The following EIF4G3 variants were observed in gnomAD, a reference collection of about 807,000 sequenced individuals.
EIF4G3 encodes eukaryotic translation initiation factor 4 gamma 3, also known as eIF-4-gamma 3.
EIF4G3 carries 34 observed loss-of-function variants against 186.4 expected under a neutral mutation model. The observed-to-expected ratio is 0.18, with a 90% CI of 0.14 to 0.24. The LOEUF (loss-of-function observed/expected upper bound fraction) is 0.24. Among genes scored for constraint, EIF4G3 ranks in the 10% least tolerant of loss-of-function variants. The pLI is 1.00. For missense variants in EIF4G3, 1,536 were observed against 1,948.5 expected (o/e 0.79, Z 3.99); for synonymous variants, 673 against 679.5 (o/e 0.99, Z 0.15).
intron 18 of EIF4G3, among the ~76,000 whole-genome samples, chr1:20,890,019 C>A (rs527326525): frequency 1.3e-5 from 2 of 151,640 alleles, no homozygotes; most frequent in South Asian, 2.1e-4. Flanking sequence ...GTCACCCAGG[C>A]TGGAGTGCAG....
chr1:20,828,569 A>C (rs1268566714), intron 31 of EIF4G3, among the ~76,000 whole-genome samples: 1 of 152,210 alleles, frequency 6.6e-6, no homozygotes, highest in African/African-American at 2.4e-5. Context: ...TTAATCTCAA[A>C]GAAAAGGGAC....
At chr1:20,972,286 T>C (rs2076055277) in intron 11 of EIF4G3, among the ~76,000 whole-genome samples, 1 of 152,204 alleles carries the variant, frequency 6.6e-6, no homozygotes, top group Non-Finnish European at 1.5e-5. Flanking sequence ...TCAGTTCTTT[T>C]TCCTTGTGCT....
At chr1:20,985,515 C>CA (rs57715624) in intron 7 of EIF4G3, among the ~76,000 whole-genome samples, 3,434 of 102,136 alleles carry the variant, frequency 0.034, 42 homozygotes, top group Admixed American at 0.041. Flanking sequence ...ACTAGAAATG[C>CA]AAAAAAAAAA....
intron 2 of EIF4G3, among the ~76,000 whole-genome samples, chr1:21,091,459 C>T (rs2096198151): frequency 6.6e-6 from 1 of 152,110 alleles, no homozygotes; most frequent in Non-Finnish European, 1.5e-5. Context: ...CCGCACCTGA[C>T]CATAGCTACA....
chr1:21,086,922 G>A (rs2096000866), intron 3 of EIF4G3, among the ~76,000 whole-genome samples: 2 of 146,996 alleles, frequency 1.4e-5, no homozygotes, highest in African/African-American at 2.5e-5. Flanking sequence ...CTGGGCAACA[G>A]AGTGAGATTC....
chr1:20,904,843 G>C, intron 15 of EIF4G3, 40 bp downstream of exon 15: 1 of 1,490,908 alleles, frequency 6.7e-7, no homozygotes, highest in Non-Finnish European at 9.3e-7. Flanking sequence ...CTATGAAATG[G>C]CACCACTGCT....
At chr1:21,000,424 A>G (rs1354334391) in intron 6 of EIF4G3, among the ~76,000 whole-genome samples, 1 of 152,124 alleles carries the variant, frequency 6.6e-6, no homozygotes, top group African/African-American at 2.4e-5. Context: ...AGTAAGCTTT[A>G]GCTGCTCTAC....
chr1:20,839,257 G>A (rs2067693196), intron 30 of EIF4G3, among the ~76,000 whole-genome samples: 1 of 152,110 alleles, frequency 6.6e-6, no homozygotes, highest in South Asian at 2.1e-4. Flanking sequence ...GATTACAGGT[G>A]TGAGCTACGG....
chr1:21,168,096 A>G (rs1208960536), intron 2 of EIF4G3: 1 of 468,366 alleles, frequency 2.1e-6, no homozygotes, highest in Non-Finnish European at 4.4e-6. Flanking sequence ...TAGATACAGA[A>G]TAAAACTATT....
At chr1:20,933,744 G>C (rs1041182486) in intron 14 of EIF4G3, among the ~76,000 whole-genome samples, 1 of 152,170 alleles carries the variant, frequency 6.6e-6, no homozygotes, top group Non-Finnish European at 1.5e-5. Context: ...TTCGTCAACA[G>C]TGGCTTCAGG....
chr1:21,124,285 CA>C, intron 2 of EIF4G3, among the ~76,000 whole-genome samples: 1 of 111,466 alleles, frequency 9.0e-6, no homozygotes, highest in East Asian at 2.2e-4. Context: ...GACTCGGTCT[CA>C]AAGAAAAAAA....
intron 12 of EIF4G3, among the ~76,000 whole-genome samples, chr1:20,958,870 A>G (rs2154564369): frequency 6.6e-6 from 1 of 152,328 alleles, no homozygotes. Context: ...TACAAGGAGA[A>G]ATACAAAACG....
At chr1:20,958,381 A>G (rs1038937143) in intron 12 of EIF4G3, among the ~76,000 whole-genome samples, 2 of 152,172 alleles carry the variant, frequency 1.3e-5, no homozygotes, top group African/African-American at 4.8e-5. Context: ...CCAAGTAGGC[A>G]AAAAAGGGAC....
At chr1:20,863,055 T>G (rs1251611166) in intron 22 of EIF4G3, among the ~76,000 whole-genome samples, 1 of 151,758 alleles carries the variant, frequency 6.6e-6, no homozygotes, top group Non-Finnish European at 1.5e-5. Flanking sequence ...TCCCAAAGTA[T>G]TAGGATTATA....
At chr1:20,814,788 T>C (rs1258042894) in intron 34 of EIF4G3, among the ~76,000 whole-genome samples, 473 of 31,786 alleles carry the variant, frequency 0.015, 4 homozygotes, top group East Asian at 0.067. Context: ...CCTCCCCCTC[T>C]CCCTCTCCCC....
At chr1:20,898,727 ACTTT>A (rs749034711) in intron 16 of EIF4G3, among the ~76,000 whole-genome samples, 49 of 151,956 alleles carry the variant, frequency 3.2e-4, no homozygotes, top group Non-Finnish European at 5.9e-4. Context: ...CCTACTCCAA[ACTTT>A]CTTTCTTTCT....
At chr1:20,856,750 G>C (rs1240864283) in intron 25 of EIF4G3, among the ~76,000 whole-genome samples, 1 of 152,184 alleles carries the variant, frequency 6.6e-6, no homozygotes, top group Non-Finnish European at 1.5e-5. Context: ...CGGATACATT[G>C]TGTAAAAGCC....
chr1:21,050,546 A>T (rs988348890), intron 4 of EIF4G3, among the ~76,000 whole-genome samples: 1 of 152,262 alleles, frequency 6.6e-6, no homozygotes, highest in African/African-American at 2.4e-5. Context: ...AGACGGTAGC[A>T]GATTAAGCAT....
At chr1:20,835,829 T>C (rs575232529) in intron 30 of EIF4G3, among the ~76,000 whole-genome samples, 1 of 151,704 alleles carries the variant, frequency 6.6e-6, no homozygotes, top group East Asian at 1.9e-4. Flanking sequence ...CCCAGCTACT[T>C]GAGAGGTTGA....
Sources: gnomAD v4.1 joint callset for allele counts (sites outside exome capture counted in the v4.1 genomes callset) on GRCh38, gnomAD v4.1.1 for gene constraint, MANE v1.5 for transcripts, NCBI Gene and HGNC (gene_info 2026-07-23, HGNC 2026-07-21) for gene names.